VLDLR: variants seen among roughly 807,000 people sequenced by gnomAD.
The protein encoded by VLDLR is very low-density lipoprotein receptor.
In VLDLR, 81 loss-of-function variants were observed where a neutral mutation model predicts 112.7. That is an observed-to-expected ratio of 0.72 (90% CI 0.60 to 0.86). VLDLR has a LOEUF of 0.86. VLDLR is among the 40% of genes least tolerant of loss of function. The pLI is 0.00. For missense variants in VLDLR, 1,237 were observed against 1,099.4 expected, an observed-to-expected ratio of 1.13 and a Z score of -1.77; for synonymous variants, 436 against 384.8, an observed-to-expected ratio of 1.13 and a Z score of -1.56.
intron 1 of VLDLR, among the ~76,000 whole-genome samples, chr9:2,628,071 A>G (rs1311865613): frequency 6.6e-6 from 1 of 152,156 alleles, no homozygotes; most frequent in Non-Finnish European, 1.5e-5. Flanking sequence ...GTAAACTAAT[A>G]AATCAACTCA....
At chr9:2,634,572 G>A (rs1817516222) in intron 1 of VLDLR, among the ~76,000 whole-genome samples, 1 of 152,200 alleles carries the variant, frequency 6.6e-6, no homozygotes, top group Non-Finnish European at 1.5e-5. Context: ...CCACTTAGAA[G>A]TCTTAGTTCA....
At position 2,640,759 on chromosome 9, in the gene VLDLR, A is replaced by G. The variant is rs3780181; in HGVS notation, c.326-618A>G. On this transcript the variant is annotated intron_variant, in intron 3 of 18. Transcript: ENST00000382100. ...AAGGAAGATAAGGCTGTTACTTTCA[A>G]TTTTCTAGATAAGAAGTGAGGGGAG... 0.11 allele frequency among the ~76,000 whole-genome samples: 17,177 copies of G among 152,198 alleles called. 1,279 individuals carry two copies. The highest frequency in any genetic ancestry group is 0.21 in the African/African-American group (8,739 of 41,500).
intron 17 of VLDLR, among the ~76,000 whole-genome samples, chr9:2,652,366 T>A (rs540398634): frequency 6.6e-6 from 1 of 152,314 alleles, no homozygotes; most frequent in East Asian, 1.9e-4. Context: ...CAGTTAAGAA[T>A]TTTCAAACCT....
intron 1 of VLDLR, among the ~76,000 whole-genome samples, chr9:2,629,078 G>T (rs1817225741): frequency 6.6e-6 from 1 of 152,220 alleles, no homozygotes; most frequent in Non-Finnish European, 1.5e-5. Context: ...TTGAGTTCAT[G>T]TGTCAACATT....
intron 4 of VLDLR, among the ~76,000 whole-genome samples, chr9:2,642,556 A>G (rs760958595): frequency 4.6e-5 from 7 of 152,228 alleles, no homozygotes; most frequent in African/African-American, 1.7e-4. Context: ...CAAAGTACCA[A>G]TTGGCTAGTA....
Position 2,643,504 on chromosome 9 carries a change from A to T in VLDLR, c.793A>T (p.Lys265Ter). The change falls in exon 5 of 19, where the codon AAG (lysine) becomes TAG (stop). Residue 265 changes from lysine to a stop codon, truncating the protein, a stop_gained. Coordinates refer to ENST00000382100, the MANE Select transcript of VLDLR (RefSeq NM_003383.5). LOFTEE classifies it high-confidence loss of function. ...KWRCDGDPDCKDGSDEVNCPS... is the reference protein window; with the variant it reads ...KWRCDGDPDC The stretch of plus-strand genomic sequence containing the variant: ...GCGATGTGATGGGGACCCTGACTGC[A>T]AGGATGGCAGTGATGAGGTCAACTG... The T allele has an allele frequency of 6.2e-7, 1 of 1,614,220 alleles. No homozygotes were observed. The highest frequency in any genetic ancestry group is 8.5e-7 in the Non-Finnish European group (1 of 1,180,032).
Position 2,657,530 on chromosome 9 carries a change from G to A in VLDLR, c.*3662G>A, listed in dbSNP as rs1390013991. Reference sequence around the variant, plus strand: ...AGAGTAGAAAGAAGCTTCCCTTATTGTGGGTGATGAGGCGGTGCCTAAAAA... The same window carrying A: ...AGAGTAGAAAGAAGCTTCCCTTATTATGGGTGATGAGGCGGTGCCTAAAAA... On this transcript the variant is annotated 3_prime_UTR_variant, in exon 19 of 19. Transcript: ENST00000382100. 1 of 152,130 alleles carries A rather than the reference G, an allele frequency of 6.6e-6. No individual in the cohort carries two copies. The highest frequency in any genetic ancestry group is 2.4e-5 in the African/African-American group (1 of 41,454). 9.4% of individuals were successfully genotyped at this position (152,130 alleles called of 1,614,324 possible).
intron 16 of VLDLR, 116 bp from the exon 17 acceptor site, chr9:2,651,758 G>A (rs1486527796): frequency 1.0e-5 from 12 of 1,152,150 alleles, no homozygotes; most frequent in Non-Finnish European, 1.3e-5. Context: ...GTGTTCAATT[G>A]TTGTAGATAC....
At chr9:2,624,248 C>A (rs899736101) in intron 1 of VLDLR, among the ~76,000 whole-genome samples, 4 of 152,188 alleles carry the variant, frequency 2.6e-5, no homozygotes, top group African/African-American at 9.6e-5. Context: ...GCAGATTCTT[C>A]CAGAACTGGA....
chr9:2,640,740 G>C (rs1817787192), intron 3 of VLDLR, among the ~76,000 whole-genome samples: 1 of 152,120 alleles, frequency 6.6e-6, no homozygotes, highest in African/African-American at 2.4e-5. Flanking sequence ...TAGAAAGGAA[G>C]ATAAGGCTGT....
Position 2,643,686 on chromosome 9 carries a change from C to T in VLDLR, c.879C>T (p.Gly293=), listed in dbSNP as rs1817928797. Residue 293 remains glycine (G), a synonymous_variant, in exon 6 of 19, where the codon GGC becomes GGT. Coordinates refer to ENST00000382100, the MANE Select transcript of VLDLR (RefSeq NM_003383.5). ...FECEDGSCIH[G]SRQCNGIRDC... ...GTGAGGATGGCAGCTGCATCCATGG[C>T]AGCAGGCAGTGTAATGGTATCCGAG... 2 of 1,614,122 alleles carry T rather than the reference C, an allele frequency of 1.2e-6. No individual in the cohort carries two copies. Among genetic ancestry groups the T allele is most frequent in the Admixed American group, 3.3e-5 (2 of 60,010 alleles).
intron 1 of VLDLR, among the ~76,000 whole-genome samples, chr9:2,626,651 A>T (rs1179636943): frequency 6.6e-6 from 1 of 152,198 alleles, no homozygotes; most frequent in Non-Finnish European, 1.5e-5. Flanking sequence ...AAACTATAAG[A>T]TGAAGCCTCT....
Position 2,635,486 on chromosome 9 carries a change from A to G in VLDLR, c.116A>G (p.Gln39Arg). ...RKAKCEPSQF[Q>R]CTNGRCITLL... ...GCCAAATGTGAACCCTCCCAATTCC[A>G]GTGCACAAATGGTCGCTGTATTACG... is the stretch of plus-strand genomic sequence containing the variant. Residue 39 changes from glutamine to arginine, a missense_variant, in exon 2 of 19, where the codon CAG becomes CGG. Gln to Arg is a conservative substitution (Grantham distance 43, BLOSUM62 1). Transcript: ENST00000382100. 6.2e-7 allele frequency: 1 copy of G among 1,614,110 alleles called. No homozygotes were observed. The highest frequency in any genetic ancestry group is 8.5e-7 in the Non-Finnish European group (1 of 1,179,976).
rs1360202927 is a variant in VLDLR, at chr9:2,657,878, T to TA, written c.*4016dup. The TA allele has an allele frequency of 6.6e-6, 1 of 152,226 alleles. No homozygotes were observed. Among genetic ancestry groups the TA allele is most frequent in the Non-Finnish European group, 1.5e-5 (1 of 68,038 alleles). The allele number at this position is 152,226 out of a possible 1,614,324, so 9.4% of individuals were successfully genotyped here. ...GACTTCTCTTCTAGAATTGTAATAC[T>TA]AAAAAACTACTCGAGTAAATATCCT... On this transcript the variant is annotated 3_prime_UTR_variant, in exon 19 of 19. Coordinates refer to ENST00000382100, the MANE Select transcript of VLDLR (RefSeq NM_003383.5).
In VLDLR at chr9:2,650,527, T is replaced by C; in HGVS notation, c.2251+11T>C. 6.2e-7 allele frequency: 1 copy of C among 1,612,936 alleles called. No homozygotes were observed. The highest frequency in any genetic ancestry group is 8.5e-7 in the Non-Finnish European group (1 of 1,179,930). On this transcript the variant is annotated intron_variant, in intron 15 of 18. Coordinates refer to ENST00000382100, the MANE Select transcript of VLDLR (RefSeq NM_003383.5). ...GCCGAGACTGTCAAAGTAAGGCATT[T>C]TGTGTTTCAACCACAAGTAGAACCT...
At chr9:2,623,341 C>T (rs1321992544) in intron 1 of VLDLR, among the ~76,000 whole-genome samples, 1 of 152,196 alleles carries the variant, frequency 6.6e-6, no homozygotes, top group Non-Finnish European at 1.5e-5. Context: ...AGCGCGTCCC[C>T]GAAGTGATCT....
chr9:2,638,826 G>A (rs1188137617), intron 2 of VLDLR, among the ~76,000 whole-genome samples: 1 of 152,226 alleles, frequency 6.6e-6, no homozygotes, highest in African/African-American at 2.4e-5. Context: ...TTAGCAGGCA[G>A]TTATGGATAT....
intron 1 of VLDLR, among the ~76,000 whole-genome samples, chr9:2,627,943 C>T (rs1345718792): frequency 6.6e-6 from 1 of 151,950 alleles, no homozygotes; most frequent in Non-Finnish European, 1.5e-5. Context: ...CCTTTATAAC[C>T]TAGAGTCTTT....
rs563773271 is a variant in VLDLR at position 2,653,974 on chromosome 9, G to A, written c.*106G>A. 32 of 1,174,704 alleles carry A rather than the reference G, an allele frequency of 2.7e-5. No homozygotes were observed. The African/African-American group carries it at 3.6e-4, about 13-fold the overall frequency. The allele number at this position is 1,174,704 out of a possible 1,614,324, so 72.8% of individuals were successfully genotyped here. On this transcript the variant is annotated 3_prime_UTR_variant, in exon 19 of 19. Coordinates refer to ENST00000382100, the MANE Select transcript of VLDLR (RefSeq NM_003383.5). ...CTCTTTTTCTTCCTCTCGGCTGGAA[G>A]AACATCAAGATACCTTTGCGTGGAT...
Sources: allele counts gnomAD v4.1 joint callset (sites outside exome capture counted in the v4.1 genomes callset), GRCh38; gene constraint gnomAD v4.1.1; transcripts MANE v1.5; gene names NCBI Gene and HGNC (gene_info 2026-07-23, HGNC 2026-07-21).